GCLM: variants seen among roughly 807,000 people sequenced by gnomAD.
The protein encoded by GCLM is glutamate--cysteine ligase regulatory subunit.
GCLM carries 15 observed loss-of-function variants against 36.0 expected under a neutral mutation model. The ratio of observed to expected loss-of-function variants is 0.42; its 90% CI spans 0.28 to 0.64. The LOEUF is 0.64. Among genes scored for constraint, GCLM ranks in the 30% least tolerant of loss-of-function variants. The probability of loss-of-function intolerance (pLI) is 0.25; values close to 1 mark genes in which losing one functional copy is unlikely to be tolerated. For synonymous variants in GCLM, 129 were observed against 122.8 expected, an observed-to-expected ratio of 1.05 and a Z score of -0.34; for missense variants, 242 against 325.5, an observed-to-expected ratio of 0.74 and a Z score of 1.97.
At chr1:93,908,937 G>T in intron 1 of GCLM, 101 bp downstream of exon 1, 1 of 988,626 alleles carries the variant, frequency 1.0e-6, no homozygotes, top group Non-Finnish European at 1.3e-6. Context: ...GCGAGGCCCT[G>T]CCACCCTCCC....
At chr1:93,902,445 TG>T (rs11292206) in intron 2 of GCLM, among the ~76,000 whole-genome samples, 12,130 of 151,886 alleles carry the variant, frequency 0.08, 1,233 homozygotes, top group African/African-American at 0.24. Flanking sequence ...CCCAAAGTGC[TG>T]GGATTACAGG....
chr1:93,904,297 G>C (rs1657067801), intron 2 of GCLM: 1 of 497,006 alleles, frequency 2.0e-6, no homozygotes, highest in Non-Finnish European at 3.6e-6. Context: ...TGAGAATTAA[G>C]CATGAGAATC....
chr1:93,907,547 CTACTT>C (rs1328595983), intron 1 of GCLM, among the ~76,000 whole-genome samples: 1 of 152,150 alleles, frequency 6.6e-6, no homozygotes, highest in Admixed American at 6.6e-5. Flanking sequence ...TTTTGAGTCA[CTACTT>C]TAGAGTATGC....
Position 93,894,525 on chromosome 1 carries a change from T to C in GCLM, c.655+89A>G, listed in dbSNP as rs1340202134. ...TCAGATAACACTGTATTTTTATCAC[T>C]GTCCACATTTAAAATTATGTATCAA... On this transcript the variant is annotated intron_variant, in intron 6 of 6. Transcript: ENST00000370238. The C allele has an allele frequency of 5.5e-6, 4 of 726,226 alleles. No individual in the cohort carries two copies. The East Asian group carries it at 7.6e-5, about 14-fold the overall frequency. The allele number at this position is 726,226 out of a possible 1,614,324, so 45.0% of individuals were successfully genotyped here.
At position 93,896,691 on chromosome 1, in the gene GCLM, C is replaced by G; in HGVS notation, c.467G>C (p.Ser156Thr). 1 of 1,613,982 alleles carries G rather than the reference C, an allele frequency of 6.2e-7. No individual in the cohort carries two copies. Among genetic ancestry groups the G allele is most frequent in the Non-Finnish European group, 8.5e-7 (1 of 1,179,874 alleles). The change falls in exon 5 of 7, where the codon AGC becomes ACC. Residue 156 changes from serine (S) to threonine (T), a missense_variant. Ser to Thr is a moderately conservative substitution (Grantham distance 58). Transcript: ENST00000370238. ...YWEELENLVQ[S>T]KKIVAIGTSD... Reference sequence around the variant, plus strand: ...GGTACCTATGGCAACAATCTTTTTGCTCTGAACTAAGTTTTCTAATTCCTC... The same window carrying G: ...GGTACCTATGGCAACAATCTTTTTGGTCTGAACTAAGTTTTCTAATTCCTC...
chr1:93,892,175 T>G (rs930095684), intron 6 of GCLM, among the ~76,000 whole-genome samples: 15 of 152,174 alleles, frequency 9.9e-5, no homozygotes, highest in African/African-American at 3.6e-4. Flanking sequence ...GATCATCTAC[T>G]TTACAATTTT....
At chr1:93,900,645 C>T (rs1017919709) in intron 3 of GCLM, among the ~76,000 whole-genome samples, 1 of 152,052 alleles carries the variant, frequency 6.6e-6, no homozygotes, top group East Asian at 1.9e-4. Flanking sequence ...CATAAAGTAC[C>T]AAGCACAGTG....
chr1:93,891,848 G>T (rs2391323), intron 6 of GCLM, among the ~76,000 whole-genome samples: 1 of 151,940 alleles, frequency 6.6e-6, no homozygotes, highest in African/African-American at 2.4e-5. Flanking sequence ...TTTCATGTGC[G>T]AGGTACTTTT....
chr1:93,902,651 A>T (rs1038454835), intron 2 of GCLM, among the ~76,000 whole-genome samples: 3 of 152,162 alleles, frequency 2.0e-5, no homozygotes, highest in African/African-American at 7.2e-5. Context: ...ACACTTGATG[A>T]ACCTACATTG....
At chr1:93,908,875 G>A in intron 1 of GCLM, 163 bp downstream of exon 1, 1 of 488,898 alleles carries the variant, frequency 2.0e-6, no homozygotes, top group Non-Finnish European at 3.3e-6. Flanking sequence ...TGGACCCAAG[G>A]TCGCGTCGAC....
At chr1:93,908,825 C>T (rs1234274823) in intron 1 of GCLM, 1 of 368,480 alleles carries the variant, frequency 2.7e-6, no homozygotes. Flanking sequence ...GCAGCTGCAC[C>T]GGCTAAGTTT....
chr1:93,893,179 A>T (rs1475253280), intron 6 of GCLM, among the ~76,000 whole-genome samples: 2 of 152,186 alleles, frequency 1.3e-5, no homozygotes, highest in Non-Finnish European at 2.9e-5. Context: ...AAATAATCCA[A>T]GACTTAGGCC....
At position 93,885,482 on chromosome 1, in the gene GCLM, T is replaced by C. The variant is rs1656271808; in HGVS notation, c.*3508A>G. 6.7e-6 allele frequency: 1 copy of C among 150,266 alleles called. No individual in the cohort carries two copies. Among genetic ancestry groups the C allele is most frequent in the African/African-American group, 2.4e-5 (1 of 40,856 alleles). The allele number at this position is 150,266 out of a possible 1,614,324, so 9.3% of individuals were successfully genotyped here. ...AAAACATTTTCCCTTCCTATGTTTC[T>C]AATTCTGAAAACTATAAAAATATTA... On this transcript the variant is annotated 3_prime_UTR_variant, in exon 7 of 7. Coordinates refer to ENST00000370238, the MANE Select transcript of GCLM (RefSeq NM_002061.4).
chr1:93,897,400 ATTAT>A (rs1349329474), intron 4 of GCLM, among the ~76,000 whole-genome samples: 2 of 152,198 alleles, frequency 1.3e-5, no homozygotes, highest in African/African-American at 4.8e-5. Context: ...TAAAGAGCCA[ATTAT>A]TTAAGTTTTC....
intron 4 of GCLM, 98 bp downstream of exon 4, chr1:93,897,741 C>T: frequency 1.6e-6 from 1 of 630,110 alleles, no homozygotes. Context: ...GGAATCAACT[C>T]ATTTTCTTTT....
intron 3 of GCLM, among the ~76,000 whole-genome samples, chr1:93,898,302 TG>T (rs1223765677): frequency 1.5e-4 from 1 of 6,640 alleles, no homozygotes; most frequent in African/African-American, 1.6e-3. Flanking sequence ...AGAAGAAAAC[TG>T]AAAAAAAAAA....
chr1:93,898,669 G>A (rs1479163429), intron 3 of GCLM, among the ~76,000 whole-genome samples: 1 of 151,824 alleles, frequency 6.6e-6, no homozygotes, highest in Non-Finnish European at 1.5e-5. Context: ...CTTTCATCCA[G>A]GCTGGAGTGC....
rs563735896 is a variant in GCLM, at chr1:93,893,957, T to C, written c.655+657A>G. Among the ~76,000 whole-genome samples, 3 of 152,282 alleles carry C rather than the reference T, an allele frequency of 2.0e-5. No individual in the cohort carries two copies. In the South Asian group the frequency reaches 6.2e-4, roughly 32 times the overall value. Reference sequence around the variant, plus strand: ...CCACTTTTTCCAGATATTTATCTCCTTGAATAAAGTAGCCTTTTGTCCAGG... The same window carrying C: ...CCACTTTTTCCAGATATTTATCTCCCTGAATAAAGTAGCCTTTTGTCCAGG... On this transcript the variant is annotated intron_variant, in intron 6 of 6. Coordinates refer to ENST00000370238, the MANE Select transcript of GCLM (RefSeq NM_002061.4).
chr1:93,898,303 G>GAAAAAAAAGAAAAAAAAAAAAAAAAA (rs1656809125), intron 3 of GCLM, among the ~76,000 whole-genome samples: 1 of 16,442 alleles, frequency 6.1e-5, no homozygotes, highest in African/African-American at 1.9e-4. Flanking sequence ...GAAGAAAACT[G>GAAAAAAAAGAAAAAAAAAAAAAAAAA]AAAAAAAAAA....
Sources: allele counts gnomAD v4.1 joint callset (sites outside exome capture counted in the v4.1 genomes callset), GRCh38; gene constraint gnomAD v4.1.1; transcripts MANE v1.5; gene names NCBI Gene and HGNC (gene_info 2026-07-23, HGNC 2026-07-21).